Variants in NYAP2 observed in about 807,000 individuals in gnomAD.
NYAP2 encodes the protein neuronal tyrosine-phosphorylated phosphoinositide-3-kinase adapter 2.
A neutral mutation model predicts 50.4 loss-of-function variants in NYAP2; 23 were observed. The observed-to-expected ratio is 0.46, with a 90% CI of 0.33 to 0.65. NYAP2 has a LOEUF of 0.65. Among genes scored for constraint, NYAP2 ranks in the 30% least tolerant of loss-of-function variants. NYAP2 has a pLI of 0.02. For missense variants in NYAP2, 885 were observed against 861.0 expected (o/e 1.03, Z -0.35); for synonymous variants, 394 against 365.2 (o/e 1.08, Z -0.90).
intron 4 of NYAP2, among the ~76,000 whole-genome samples, chr2:225,558,221 T>C (rs916719338): frequency 6.6e-6 from 1 of 152,168 alleles, no homozygotes; most frequent in South Asian, 2.1e-4. Context: ...TAATCTCTCA[T>C]TGCTGCTATA....
chr2:225,579,118 A>T (rs993747841), intron 4 of NYAP2, among the ~76,000 whole-genome samples: 4 of 151,890 alleles, frequency 2.6e-5, no homozygotes, highest in Non-Finnish European at 5.9e-5. Flanking sequence ...AGAGAGAGAG[A>T]GAACTCTGCT....
the NYAP2 span, among the ~76,000 whole-genome samples, chr2:225,673,248 AG>A: frequency 6.6e-6 from 1 of 152,060 alleles, no homozygotes; most frequent in Admixed American, 6.6e-5. Flanking sequence ...ACCTCCCACC[AG>A]GTCCCTCCCA....
At chr2:225,509,548 G>A (rs1360125482) in intron 3 of NYAP2, among the ~76,000 whole-genome samples, 2 of 152,156 alleles carry the variant, frequency 1.3e-5, no homozygotes, top group Non-Finnish European at 2.9e-5. Flanking sequence ...GAGTGTCTGG[G>A]AAACAGGTGC....
At chr2:225,482,071 AAT>A (rs1690216064) in intron 3 of NYAP2, among the ~76,000 whole-genome samples, 1 of 152,166 alleles carries the variant, frequency 6.6e-6, no homozygotes, top group Non-Finnish European at 1.5e-5. Context: ...AGTATACAAA[AAT>A]ATCTTATTTT....
rs1353825155 is a variant in NYAP2, at chr2:225,399,844, G to C, written c.-912G>C. 6.6e-6 allele frequency: 1 copy of C among 152,044 alleles called. No homozygotes were observed. The highest frequency in any genetic ancestry group is 1.5e-5 in the Non-Finnish European group (1 of 67,982). The allele number at this position is 152,044 out of a possible 1,614,324, so 9.4% of individuals were successfully genotyped here. A position where few individuals can be genotyped will look rare whatever the true frequency, so the allele number is the denominator to read the frequency against. On this transcript the variant is annotated 5_prime_UTR_variant, in exon 1 of 7. It removes an upstream start codon present in the reference 5' UTR. Transcript: ENST00000636099. ...TCATTAGCCACGCCAGGGGTGAAAT[G>C]CTTATAACTTAACCATTCTCTGTAG...
chr2:225,500,781 T>C (rs940631145), intron 3 of NYAP2, among the ~76,000 whole-genome samples: 1 of 152,146 alleles, frequency 6.6e-6, no homozygotes, highest in Non-Finnish European at 1.5e-5. Context: ...GGTCAATGAA[T>C]AGATGGCAAT....
chr2:225,508,782 A>G (rs1690757371), intron 3 of NYAP2, among the ~76,000 whole-genome samples: 1 of 152,196 alleles, frequency 6.6e-6, no homozygotes, highest in East Asian at 1.9e-4. Context: ...ATTGTCTAGG[A>G]GCTGCCCATG....
chr2:225,413,569 C>T (rs1386848969), intron 3 of NYAP2, among the ~76,000 whole-genome samples: 1 of 152,068 alleles, frequency 6.6e-6, no homozygotes, highest in Non-Finnish European at 1.5e-5. Context: ...TTTGGAATTG[C>T]TGCCATGTTC....
intron 5 of NYAP2, among the ~76,000 whole-genome samples, chr2:225,604,125 A>G (rs1433266900): frequency 6.6e-6 from 1 of 152,210 alleles, no homozygotes; most frequent in East Asian, 1.9e-4. Flanking sequence ...CAGTTCATAC[A>G]TGCATTTTGA....
At chr2:225,624,018 C>T (rs1397026058) in intron 5 of NYAP2, among the ~76,000 whole-genome samples, 1 of 152,162 alleles carries the variant, frequency 6.6e-6, no homozygotes, top group Non-Finnish European at 1.5e-5. Context: ...CACGCTATTT[C>T]CATATTTCTC....
At chr2:225,634,931 C>A (rs574128441) in intron 6 of NYAP2, among the ~76,000 whole-genome samples, 2 of 152,284 alleles carry the variant, frequency 1.3e-5, no homozygotes, top group East Asian at 3.9e-4. Context: ...AATGGAACTG[C>A]AATTGAACTC....
chr2:225,651,327 T>C, intron 6 of NYAP2, 105 bp from the exon 7 acceptor site: 1 of 1,447,806 alleles, frequency 6.9e-7, no homozygotes, highest in Non-Finnish European at 9.7e-7. Context: ...GAGCATTTTG[T>C]ATATTCCAAG....
At chr2:225,588,363 C>A (rs2106233902) in intron 5 of NYAP2, among the ~76,000 whole-genome samples, 1 of 151,794 alleles carries the variant, frequency 6.6e-6, no homozygotes, top group Non-Finnish European at 1.5e-5. Flanking sequence ...AAAAAAAAAT[C>A]CACATAGAAA....
chr2:225,415,437 A>G (rs1242706691), intron 3 of NYAP2, among the ~76,000 whole-genome samples: 1 of 152,170 alleles, frequency 6.6e-6, no homozygotes, highest in African/African-American at 2.4e-5. Context: ...TTAAATGACT[A>G]CTTTACCCAA....
At chr2:225,592,256 C>T (rs758342375) in intron 5 of NYAP2, among the ~76,000 whole-genome samples, 3 of 152,154 alleles carry the variant, frequency 2.0e-5, no homozygotes, top group Non-Finnish European at 2.9e-5. Flanking sequence ...TCAGTGCTTG[C>T]ATCTTGGCCA....
At chr2:225,498,078 C>A (rs1690538910) in intron 3 of NYAP2, among the ~76,000 whole-genome samples, 1 of 151,868 alleles carries the variant, frequency 6.6e-6, no homozygotes, top group African/African-American at 2.4e-5. Flanking sequence ...ACTATGTATT[C>A]CTTTTAATGT....
chr2:225,598,457 T>G (rs989742053), intron 5 of NYAP2, among the ~76,000 whole-genome samples: 1 of 152,210 alleles, frequency 6.6e-6, no homozygotes, highest in African/African-American at 2.4e-5. Context: ...GATGGAAGAC[T>G]GTTAAAAAAT....
intron 6 of NYAP2, among the ~76,000 whole-genome samples, chr2:225,647,435 A>G (rs1693653170): frequency 6.6e-6 from 1 of 152,166 alleles, no homozygotes; most frequent in Admixed American, 6.5e-5. Context: ...TATTTTCAAG[A>G]ATGGGTGGGC....
exon 7 of NYAP2, chr2:225,653,399 G>T (rs557705181): frequency 6.6e-6 from 1 of 152,198 alleles, no homozygotes; most frequent in Non-Finnish European, 1.5e-5. Flanking sequence ...TAGAGACAAG[G>T]TATACCCTTT....
Sources: gnomAD v4.1 joint callset for allele counts (sites outside exome capture counted in the v4.1 genomes callset) on GRCh38, gnomAD v4.1.1 for gene constraint, MANE v1.5 for transcripts, NCBI Gene and HGNC (gene_info 2026-07-23, HGNC 2026-07-21) for gene names.